The following PMEPA1 variants were observed in gnomAD, a reference collection of about 807,000 sequenced individuals.
PMEPA1 encodes the protein prostate transmembrane protein, androgen induced 1, also known as protein TMEPAI.
In PMEPA1, 11 loss-of-function variants were observed where a neutral mutation model predicts 23.0. The observed-to-expected ratio is 0.48, with a 90% confidence interval of 0.30 to 0.79. The LOEUF (loss-of-function observed/expected upper bound fraction) is 0.79, where lower values mean the gene tolerates loss of function less well. Ranked by LOEUF, PMEPA1 falls within the 30% of genes least tolerant of loss-of-function variation. PMEPA1 has a pLI of 0.06. For synonymous variants in PMEPA1, 204 were observed against 166.4 expected (o/e 1.23, Z -1.74); for missense variants, 377 against 390.9 (o/e 0.96, Z 0.30).
At chr20:57,661,495 C>T (rs2071418395) in intron 1 of PMEPA1, among the ~76,000 whole-genome samples, 1 of 152,200 alleles carries the variant, frequency 6.6e-6, no homozygotes, top group South Asian at 2.1e-4. Flanking sequence ...CTCCCCAGGG[C>T]TCCCTGGCAC....
At chr20:57,680,478 G>T (rs564014372) in intron 1 of PMEPA1, among the ~76,000 whole-genome samples, 107 of 152,350 alleles carry the variant, frequency 7.0e-4, no homozygotes, top group African/African-American at 2.5e-3. Context: ...GCACAGGGAA[G>T]TCCCCCACAG....
intron 1 of PMEPA1, among the ~76,000 whole-genome samples, chr20:57,690,986 T>C (rs951666831): frequency 6.6e-6 from 1 of 152,198 alleles, no homozygotes; most frequent in Admixed American, 6.5e-5. Context: ...GAAGCAGGGT[T>C]AGAGAAAGCT....
At position 57,659,649 on chromosome 20, in the gene PMEPA1, A is replaced by G. The variant is rs1348126479; in HGVS notation, c.158T>C (p.Val53Ala). The part of the protein sequence containing the change: ...QIIIIVVVMM[V>A]MVVVITCLLS... ...CAGGCACGTGATCACCACCACCATC[A>G]CCATCATCACCACCACGATGATGAT... The change falls in exon 2 of 4, where the codon GTG becomes GCG. Residue 53 changes from valine to alanine, a missense_variant. By Grantham distance (64) the Val-to-Ala change is moderately conservative (BLOSUM62 0). Transcript: ENST00000341744. The G allele has an allele frequency of 6.2e-7, 1 of 1,607,190 alleles. No individual in the cohort carries two copies. The highest frequency in any genetic ancestry group is 8.5e-7 in the Non-Finnish European group (1 of 1,176,932).
Position 57,652,127 on chromosome 20 carries a change from T to C in PMEPA1, c.790A>G (p.Thr264Ala). ...GCGCTCTCTAGGGGCGCGATGTGTGTGTGGTGGAGCCGGGTCCCCTCCAGC... is the reference window on the plus strand; with the variant it reads ...GCGCTCTCTAGGGGCGCGATGTGTGCGTGGTGGAGCCGGGTCCCCTCCAGC... ...SLLEGTRLHHTHIAPLESAAI... is the reference protein window; with the variant it reads ...SLLEGTRLHHAHIAPLESAAI... The change falls in exon 4 of 4, where the codon ACA becomes GCA. Residue 264 changes from threonine to alanine, a missense_variant. By Grantham distance (58) the Thr-to-Ala change is moderately conservative (BLOSUM62 0). This residue lies in a region of PMEPA1 where 176 missense variants were observed against 173.0 expected (regional missense o/e 1.02). Coordinates refer to ENST00000341744, the MANE Select transcript of PMEPA1 (RefSeq NM_020182.5). The surrounding 1 kb of genome is among the most constrained non-coding windows in gnomAD (Gnocchi z 6.1). 6.3e-7 allele frequency: 1 copy of C among 1,593,178 alleles called. No individual in the cohort carries two copies.
At chr20:57,677,085 T>G (rs1009355087) in intron 1 of PMEPA1, among the ~76,000 whole-genome samples, 2 of 152,210 alleles carry the variant, frequency 1.3e-5, no homozygotes, top group African/African-American at 2.4e-5. Flanking sequence ...TGCAGTTTTG[T>G]CTGTGGGAAG....
At chr20:57,673,207 G>T (rs901604733) in intron 1 of PMEPA1, among the ~76,000 whole-genome samples, 2 of 151,408 alleles carry the variant, frequency 1.3e-5, no homozygotes, top group Non-Finnish European at 2.9e-5. Context: ...GCCCGGGCTG[G>T]CCCACCTGCC....
In PMEPA1 at chr20:57,683,554, C is replaced by CGTGTGCGTGTGTGTGT. The variant is rs2071752594; in HGVS notation, c.110-23858_110-23857insACACACACACGCACAC. 9.4e-6 allele frequency among the ~76,000 whole-genome samples: 1 copy of CGTGTGCGTGTGTGTGT among 106,310 alleles called. No individual in the cohort carries two copies. Among genetic ancestry groups the CGTGTGCGTGTGTGTGT allele is most frequent in the African/African-American group, 2.6e-5 (1 of 38,130 alleles). 69.7% of individuals were successfully genotyped at this position (106,310 alleles called of 152,430 possible). On this transcript the variant is annotated intron_variant, in intron 1 of 3. Coordinates refer to ENST00000341744, the MANE Select transcript of PMEPA1 (RefSeq NM_020182.5). This position sits in a 1 kb window ranked among gnomAD's most constrained non-coding sequence, Gnocchi z 4.3. ...CGGTGGTGGTGTTCTGGCCTGTGTG[C>CGTGTGCGTGTGTGTGT]GTGTGTGTGTGTGTGTGTGTGTGTG...
chr20:57,674,718 C>T (rs1266735077), intron 1 of PMEPA1, among the ~76,000 whole-genome samples: 1 of 152,222 alleles, frequency 6.6e-6, no homozygotes, highest in Non-Finnish European at 1.5e-5. Flanking sequence ...AGGCCCTTTC[C>T]CTTCCTATTC....
intron 1 of PMEPA1, among the ~76,000 whole-genome samples, chr20:57,703,948 C>T (rs1475684276): frequency 6.6e-6 from 1 of 152,116 alleles, no homozygotes; most frequent in African/African-American, 2.4e-5. Context: ...CATCAGATGA[C>T]AGTGAAGGGG....
Position 57,650,330 on chromosome 20 carries a change from G to A in PMEPA1, c.*1723C>T, listed in dbSNP as rs2071207237. On this transcript the variant is annotated 3_prime_UTR_variant, in exon 4 of 4. Transcript: ENST00000341744. ...TCCCATGGGAAGGGAGGGGGTAGCAGCTGGGAGTCTGCTCTTCCAGCTGGG... is the reference window on the plus strand; with the variant it reads ...TCCCATGGGAAGGGAGGGGGTAGCAACTGGGAGTCTGCTCTTCCAGCTGGG... 6.6e-6 allele frequency: 1 copy of A among 152,260 alleles called. No individual in the cohort carries two copies. Among genetic ancestry groups the A allele is most frequent in the Non-Finnish European group, 1.5e-5 (1 of 68,056 alleles). The allele number at this position is 152,260 out of a possible 1,614,324, so 9.4% of individuals were successfully genotyped here.
intron 1 of PMEPA1, among the ~76,000 whole-genome samples, chr20:57,681,836 A>G (rs1015234121): frequency 2.6e-5 from 4 of 151,514 alleles, no homozygotes; most frequent in Non-Finnish European, 5.9e-5. Context: ...AGCAGACCTC[A>G]CCCTCTCGGC....
intron 1 of PMEPA1, chr20:57,699,875 A>G (rs879671770): frequency 1.3e-5 from 5 of 379,954 alleles, no homozygotes; most frequent in Non-Finnish European, 2.1e-5. Flanking sequence ...GACTCCAACA[A>G]GGGACCTCAG....
At chr20:57,703,257 G>C (rs1207605731) in intron 1 of PMEPA1, among the ~76,000 whole-genome samples, 1 of 152,254 alleles carries the variant, frequency 6.6e-6, no homozygotes, top group Non-Finnish European at 1.5e-5. Flanking sequence ...GTTGATGGGG[G>C]TGGGGGACAT....
intron 1 of PMEPA1, among the ~76,000 whole-genome samples, chr20:57,702,504 T>C (rs1450441517): frequency 6.6e-6 from 1 of 152,204 alleles, no homozygotes; most frequent in African/African-American, 2.4e-5. Context: ...AATTCGTATG[T>C]GTTCTTCCCT....
At chr20:57,710,305 G>T, upstream of PMEPA1, 1 of 772,876 alleles carries the variant, frequency 1.3e-6, no homozygotes, top group Non-Finnish European at 1.9e-6. Flanking sequence ...AGCCGCACCC[G>T]GGCGGGTTGC....
chr20:57,674,482 T>A (rs149990808), intron 1 of PMEPA1, among the ~76,000 whole-genome samples: 1 of 152,308 alleles, frequency 6.6e-6, no homozygotes, highest in Non-Finnish European at 1.5e-5. Flanking sequence ...AGCAGAATAA[T>A]ACACCTTGTT....
intron 1 of PMEPA1, among the ~76,000 whole-genome samples, chr20:57,684,013 G>A (rs568997367): frequency 4.6e-5 from 7 of 152,220 alleles, no homozygotes; most frequent in South Asian, 4.2e-4. Flanking sequence ...GTCCCACCAC[G>A]CCCCACCCCC....
intron 1 of PMEPA1, among the ~76,000 whole-genome samples, chr20:57,672,693 C>A (rs544000396): frequency 1.3e-4 from 20 of 152,302 alleles, no homozygotes; most frequent in African/African-American, 4.3e-4. Context: ...GGTCAGGCGT[C>A]AGAGAGGCTG....
intron 1 of PMEPA1, among the ~76,000 whole-genome samples, chr20:57,688,958 C>T (rs1051457009): frequency 6.6e-6 from 1 of 152,224 alleles, no homozygotes; most frequent in Non-Finnish European, 1.5e-5. Flanking sequence ...TGGCTCAGAC[C>T]TGGCTGAGCG....
Sources: allele counts gnomAD v4.1 joint callset (sites outside exome capture counted in the v4.1 genomes callset), GRCh38; gene constraint gnomAD v4.1.1; regional missense constraint gnomAD v4.1.1; non-coding constraint Gnocchi (gnomAD v3.1); transcripts MANE v1.5; gene names NCBI Gene and HGNC (gene_info 2026-07-23, HGNC 2026-07-21).